Variants in MYO1H observed in about 807,000 individuals in gnomAD.
The protein encoded by MYO1H is myosin IH.
Under a neutral mutation model 149.3 loss-of-function variants are expected in MYO1H, and 118 were observed. That is an observed-to-expected ratio of 0.79 (90% confidence interval 0.68 to 0.92). MYO1H has a LOEUF of 0.92. MYO1H is among the 40% of genes least tolerant of loss of function. MYO1H has a pLI of 0.00. For missense variants in MYO1H, 1,212 were observed against 1,280.7 expected, an observed-to-expected ratio of 0.95 and a Z score of 0.82; for synonymous variants, 447 against 465.2, an observed-to-expected ratio of 0.96 and a Z score of 0.50.
At chr12:109,430,211 C>T (rs982857860) in intron 19 of MYO1H, among the ~76,000 whole-genome samples, 4 of 152,234 alleles carry the variant, frequency 2.6e-5, no homozygotes, top group Admixed American at 1.3e-4. Flanking sequence ...GAGAGGCCAG[C>T]GTGGCAGCTG....
intron 1 of MYO1H, among the ~76,000 whole-genome samples, chr12:109,354,595 G>T (rs1868542291): frequency 6.8e-6 from 1 of 147,944 alleles, no homozygotes; most frequent in Admixed American, 6.9e-5. Context: ...ACTCCAGCCT[G>T]GGTGACAGAG....
At chr12:109,310,611 G>C in the MYO1H span, among the ~76,000 whole-genome samples, 1 of 147,430 alleles carries the variant, frequency 6.8e-6, no homozygotes, top group Non-Finnish European at 1.5e-5. Flanking sequence ...ACCTGTGACT[G>C]TTTTTTTTTT....
In MYO1H at chr12:109,351,282, G is replaced by A. The variant is rs552020334; in HGVS notation, c.12+3310G>A. Among the ~76,000 whole-genome samples, 10 of 152,048 alleles carry A rather than the reference G, an allele frequency of 6.6e-5. No homozygotes were observed. In the South Asian group the frequency reaches 1.0e-3, roughly 16 times the overall value. ...GCCAGGATGTTTTTATATTATTACC[G>A]TAAAAACTCTTATGCCAGGTAAAAA... is the stretch of plus-strand genomic sequence containing the variant. On this transcript the variant is annotated intron_variant, in intron 1 of 31. Coordinates refer to ENST00000310903, the Ensembl canonical transcript of MYO1H.
chr12:109,415,438 T>C (rs891392137), intron 14 of MYO1H, 88 bp from the exon 15 acceptor site: 1 of 1,236,112 alleles, frequency 8.1e-7, no homozygotes, highest in Non-Finnish European at 1.1e-6. Flanking sequence ...ATTGTGCCAC[T>C]GCACTCCAGC....
intron 1 of MYO1H, among the ~76,000 whole-genome samples, chr12:109,374,363 G>A (rs1188479539): frequency 6.6e-6 from 1 of 152,120 alleles, no homozygotes; most frequent in Non-Finnish European, 1.5e-5. Flanking sequence ...CTGTAAAATG[G>A]GAGCTAAAAT....
chr12:109,402,753 A>G (rs968941455), intron 6 of MYO1H, among the ~76,000 whole-genome samples: 2 of 152,300 alleles, frequency 1.3e-5, no homozygotes, highest in East Asian at 1.9e-4. Flanking sequence ...GGAGGGCTTA[A>G]TTTTCCCAAC....
chr12:109,393,561 A>ATCCATCCATTCATCCATCCG, intron 3 of MYO1H, 115 bp downstream of exon 3: 3 of 664,508 alleles, frequency 4.5e-6, no homozygotes, highest in Non-Finnish European at 8.1e-6. Flanking sequence ...CCATCCATCC[A>ATCCATCCATTCATCCATCCG]TCCATCCATC....
chr12:109,358,390 A>C (rs1291081102), intron 1 of MYO1H, among the ~76,000 whole-genome samples: 1 of 152,112 alleles, frequency 6.6e-6, no homozygotes, highest in Non-Finnish European at 1.5e-5. Flanking sequence ...TTGACGGTAT[A>C]ATCAAGTTGA....
chr12:109,428,219 C>T (rs943831254), intron 19 of MYO1H, among the ~76,000 whole-genome samples: 3 of 151,924 alleles, frequency 2.0e-5, no homozygotes, highest in Non-Finnish European at 4.4e-5. Flanking sequence ...AGGGGGCAGC[C>T]GTGGGCAGTG....
intron 21 of MYO1H, among the ~76,000 whole-genome samples, 152 bp from the exon 22 acceptor site, chr12:109,436,336 G>T (rs1236545369): frequency 6.6e-6 from 1 of 152,134 alleles, no homozygotes; most frequent in African/African-American, 2.4e-5. Flanking sequence ...CCAGCTCTCA[G>T]GTCTGCAGTG....
intron 1 of MYO1H, among the ~76,000 whole-genome samples, chr12:109,376,918 C>A (rs1044122612): frequency 1.3e-5 from 2 of 152,170 alleles, no homozygotes; most frequent in Non-Finnish European, 2.9e-5. Context: ...CTGAGTCTTT[C>A]CATTCATGAA....
the MYO1H span, among the ~76,000 whole-genome samples, chr12:109,322,845 A>G: frequency 7.0e-6 from 1 of 142,866 alleles, no homozygotes; most frequent in African/African-American, 2.6e-5. Flanking sequence ...AAAAAAAATC[A>G]CCCCTGTAAT....
intron 13 of MYO1H, among the ~76,000 whole-genome samples, 196 bp downstream of exon 13, chr12:109,410,964 T>A (rs537901595): frequency 1.3e-5 from 2 of 152,060 alleles, no homozygotes; most frequent in East Asian, 1.9e-4. Flanking sequence ...CAGTATGGTG[T>A]AACCCTGTCT....
chr12:109,422,040 C>G (rs575666155), intron 16 of MYO1H, among the ~76,000 whole-genome samples: 3 of 152,090 alleles, frequency 2.0e-5, no homozygotes, highest in African/African-American at 7.2e-5. Flanking sequence ...AGGCTGGTCT[C>G]GAACTCCTGG....
At chr12:109,363,236 GT>G (rs972103875) in intron 1 of MYO1H, among the ~76,000 whole-genome samples, 5 of 152,220 alleles carry the variant, frequency 3.3e-5, no homozygotes, top group Admixed American at 2.6e-4. Context: ...TTTCCTAGAT[GT>G]TGTGAGTACA....
rs1355465427 is a variant in MYO1H at position 109,444,419 on chromosome 12, C to T, written c.2896-13C>T. The T allele has an allele frequency of 1.9e-6, 3 of 1,610,552 alleles. No homozygotes were observed. The highest frequency in any genetic ancestry group is 2.5e-6 in the Non-Finnish European group (3 of 1,177,016). On this transcript the variant is annotated splice_polypyrimidine_tract_variant and intron_variant, in intron 29 of 31. Coordinates refer to ENST00000310903, the Ensembl canonical transcript of MYO1H. ...GAATACTGAAATTATGCCTTGTCTC[C>T]TCCCCACCCCAGGGGGATGCCGTTT... is the stretch of plus-strand genomic sequence containing the variant.
the MYO1H span, among the ~76,000 whole-genome samples, chr12:109,338,113 G>A: frequency 1.3e-5 from 2 of 152,092 alleles, no homozygotes; most frequent in African/African-American, 4.8e-5. Flanking sequence ...CTGTTGCCCA[G>A]GCTGGAGTGT....
intron 16 of MYO1H, among the ~76,000 whole-genome samples, chr12:109,423,876 TA>T (rs200590471): frequency 6.6e-6 from 1 of 152,278 alleles, no homozygotes; most frequent in Admixed American, 6.5e-5. Context: ...TTAAATATTT[TA>T]AAAAATTAAG....
chr12:109,398,639 A>G (rs1238647940), intron 5 of MYO1H, among the ~76,000 whole-genome samples: 1 of 149,078 alleles, frequency 6.7e-6, no homozygotes, highest in Non-Finnish European at 1.5e-5. Context: ...AATCCCAGCT[A>G]CTCGGAAGGC....
Sources: gnomAD v4.1 joint callset for allele counts (sites outside exome capture counted in the v4.1 genomes callset) on GRCh38, gnomAD v4.1.1 for gene constraint, MANE v1.5 for transcripts, NCBI Gene and HGNC (gene_info 2026-07-23, HGNC 2026-07-21) for gene names.